Variants in COG2 observed in about 807,000 individuals in gnomAD.
The protein encoded by COG2 is conserved oligomeric Golgi complex subunit 2.
In COG2, 52 loss-of-function variants were observed where a neutral mutation model predicts 90.6. The ratio of observed to expected loss-of-function variants is 0.57; its 90% CI spans 0.46 to 0.72. The LOEUF (loss-of-function observed/expected upper bound fraction) is 0.72. Among genes scored for constraint, COG2 ranks in the 30% least tolerant of loss-of-function variants. The pLI is 0.00. For missense variants in COG2, 829 were observed against 891.2 expected (o/e 0.93, Z 0.89); for synonymous variants, 337 against 320.4 (o/e 1.05, Z -0.55).
At chr1:230,681,472 G>A (rs1385544158) in intron 10 of COG2, 5 of 152,000 alleles carry the variant, frequency 3.3e-5, no homozygotes, top group African/African-American at 7.3e-5. Flanking sequence ...TGCACTTAAT[G>A]ATGTTTCCAA....
rs767036831 is a variant in COG2 at position 230,686,948 on chromosome 1, C to T, written c.1394C>T (p.Pro465Leu). ...ATCCTTTTTCAGCTTTCACTCAGGC[C>T]CATTTCTAATGAAAGTCCCAAGGAG... ...SVFVNELSLRPISNESPKEIK... is the reference protein window; with the variant it reads ...SVFVNELSLRLISNESPKEIK... Residue 465 changes from proline to leucine, a missense_variant, in exon 13 of 18, where the codon CCC becomes CTC. Physicochemically the swap from Pro to Leu is moderately conservative, Grantham distance 98. Transcript: ENST00000366669. The T allele has an allele frequency of 3.2e-6, 5 of 1,545,940 alleles. No individual in the cohort carries two copies. Among genetic ancestry groups the T allele is most frequent in the African/African-American group, 2.7e-5 (2 of 72,862 alleles).
In COG2 at chr1:230,646,109, ACACT is replaced by A. The variant is rs1661770185; in HGVS notation, c.72+3433_72+3436del. Reference sequence around the variant, plus strand: ...CACTTCTTCCCATTGGCTTTCAGACACACTCCTATTTTAGTTTCTTCTACTGGAC... The same window carrying A: ...CACTTCTTCCCATTGGCTTTCAGACACCTATTTTAGTTTCTTCTACTGGAC... On this transcript the variant is annotated intron_variant, in intron 1 of 17. Coordinates refer to ENST00000366669, the MANE Select transcript of COG2 (RefSeq NM_007357.3). Among the ~76,000 whole-genome samples, 5 of 152,210 alleles carry A rather than the reference ACACT, an allele frequency of 3.3e-5. No individual in the cohort carries two copies. The South Asian group carries it at 1.0e-3, about 32-fold the overall frequency.
chr1:230,660,349 A>T (rs1662152685), intron 2 of COG2, among the ~76,000 whole-genome samples: 1 of 152,112 alleles, frequency 6.6e-6, no homozygotes, highest in African/African-American at 2.4e-5. Context: ...TTTCATTTTG[A>T]TTTTTCTCAA....
chr1:230,642,778 G>C (rs558501469), intron 1 of COG2, 100 bp downstream of exon 1: 4 of 1,187,748 alleles, frequency 3.4e-6, no homozygotes, highest in Non-Finnish European at 4.8e-6. Context: ...GCCTGCGCAC[G>C]CTCAGTGTCA....
chr1:230,669,714 C>G, intron 7 of COG2, 179 bp downstream of exon 7: 1 of 506,168 alleles, frequency 2.0e-6, no homozygotes, highest in Non-Finnish European at 3.3e-6. Flanking sequence ...AGTAATGTTA[C>G]GATGCCAGGA....
rs143945965 is a variant in COG2 at position 230,688,508 on chromosome 1, C to T, written c.1740C>T (p.Phe580=). ...KIIQDLSDSC[F]GFLKSALEVP... ...TCCAGGATTTAAGTGACTCTTGCTT[C>T]GGTTTCCTAAAAAGCGCCCTGGAGG... is the stretch of plus-strand genomic sequence containing the variant. Residue 580 remains phenylalanine, a synonymous_variant, in exon 15 of 18, where the codon TTC becomes TTT. Coordinates refer to ENST00000366669, the MANE Select transcript of COG2 (RefSeq NM_007357.3). 157 of 1,614,082 alleles carry T rather than the reference C, an allele frequency of 9.7e-5. No individual in the cohort carries two copies. In the African/African-American group the frequency reaches 1.5e-3, roughly 15 times the overall value.
chr1:230,678,875 G>C (rs543140389), intron 9 of COG2, 38 bp from the exon 10 acceptor site: 4 of 1,598,100 alleles, frequency 2.5e-6, no homozygotes, highest in Non-Finnish European at 3.4e-6. Context: ...TCTAGTTAGT[G>C]TTCTAATAAT....
intron 1 of COG2, among the ~76,000 whole-genome samples, chr1:230,646,571 G>A (rs1201717917): frequency 2.0e-5 from 3 of 152,030 alleles, no homozygotes; most frequent in South Asian, 4.2e-4. Context: ...CAGGTGAAAG[G>A]TTCATACTTC....
chr1:230,681,530 G>A, intron 10 of COG2: 1 of 152,282 alleles, frequency 6.6e-6, no homozygotes, highest in East Asian at 1.9e-4. Flanking sequence ...TATCGCCATT[G>A]TTATTTTTAT....
chr1:230,691,243 A>C (rs1482256222), intron 16 of COG2, 141 bp from the exon 17 acceptor site: 1 of 609,038 alleles, frequency 1.6e-6, no homozygotes, highest in Non-Finnish European at 2.8e-6. Context: ...TAAGAAACTT[A>C]AATACTTACC....
intron 3 of COG2, 63 bp downstream of exon 3, chr1:230,660,886 CA>C (rs995032003): frequency 8.6e-4 from 983 of 1,140,302 alleles, no homozygotes; most frequent in South Asian, 2.2e-3. Flanking sequence ...TTTGCCCTTC[CA>C]AAAAAAAATT....
intron 8 of COG2, 40 bp downstream of exon 8, chr1:230,671,680 C>A: frequency 6.2e-7 from 1 of 1,602,190 alleles, no homozygotes; most frequent in Non-Finnish European, 8.5e-7. Flanking sequence ...ACCTCCCTTT[C>A]AGTGACCGCA....
intron 16 of COG2, 62 bp from the exon 17 acceptor site, chr1:230,691,322 T>C: frequency 7.1e-7 from 1 of 1,417,474 alleles, no homozygotes; most frequent in Non-Finnish European, 9.4e-7. Flanking sequence ...CAAAGCCAGT[T>C]ACTCTATTTG....
chr1:230,660,626 A>G, intron 2 of COG2, 132 bp from the exon 3 acceptor site: 1 of 496,902 alleles, frequency 2.0e-6, no homozygotes, highest in Admixed American at 3.2e-5. Context: ...TAGTTACTTA[A>G]CAATATATGG....
chr1:230,679,855 T>A (rs939695625), intron 10 of COG2: 1 of 152,258 alleles, frequency 6.6e-6, no homozygotes, highest in Non-Finnish European at 1.5e-5. Context: ...TCATTAATTA[T>A]GATGCAGTCC....
intron 10 of COG2, chr1:230,679,945 T>C (rs1426637525): frequency 6.6e-6 from 1 of 152,212 alleles, no homozygotes; most frequent in African/African-American, 2.4e-5. Context: ...CTTGAGATGA[T>C]TGAGAATGTA....
intron 1 of COG2, among the ~76,000 whole-genome samples, chr1:230,647,634 A>T (rs1422681511): frequency 1.3e-5 from 2 of 152,174 alleles, no homozygotes; most frequent in Non-Finnish European, 2.9e-5. Context: ...GTATCCGCAG[A>T]GGATTGATTC....
chr1:230,671,665 C>G, intron 8 of COG2, 25 bp downstream of exon 8: 6 of 1,607,588 alleles, frequency 3.7e-6, no homozygotes, highest in South Asian at 1.1e-5. Flanking sequence ...CCTGTGTGGA[C>G]CCCCACCTCC....
chr1:230,659,396 C>T, intron 1 of COG2, 68 bp from the exon 2 acceptor site: 1 of 1,257,610 alleles, frequency 8.0e-7, no homozygotes, highest in Non-Finnish European at 1.2e-6. Context: ...CTCTTTCTTC[C>T]ATTTCATTTG....
Sources: gnomAD v4.1 joint callset for allele counts (sites outside exome capture counted in the v4.1 genomes callset) on GRCh38, gnomAD v4.1.1 for gene constraint, MANE v1.5 for transcripts, NCBI Gene and HGNC (gene_info 2026-07-23, HGNC 2026-07-21) for gene names.